Variants in HCK observed in about 807,000 individuals in gnomAD.
HCK encodes HCK proto-oncogene, Src family tyrosine kinase.
HCK carries 40 observed loss-of-function variants against 70.4 expected under a neutral mutation model. The ratio of observed to expected loss-of-function variants is 0.57; its 90% CI spans 0.44 to 0.74. The LOEUF (loss-of-function observed/expected upper bound fraction) is 0.74. HCK is among the 30% of genes least tolerant of loss of function. The probability of loss-of-function intolerance (pLI) is 0.00; values close to 1 mark genes in which losing one functional copy is unlikely to be tolerated. For missense variants in HCK, 568 were observed against 697.2 expected, an observed-to-expected ratio of 0.81 and a Z score of 2.09; for synonymous variants, 245 against 263.2, an observed-to-expected ratio of 0.93 and a Z score of 0.67.
At chr20:32,062,009 G>A (rs1224466850) in intron 1 of HCK, among the ~76,000 whole-genome samples, 10 of 146,206 alleles carry the variant, frequency 6.8e-5, no homozygotes, top group African/African-American at 1.0e-4. Flanking sequence ...GTGCGACCTC[G>A]GCTCCCTGCA....
intron 5 of HCK, among the ~76,000 whole-genome samples, chr20:32,078,496 C>T (rs1485748117): frequency 2.6e-5 from 4 of 152,062 alleles, no homozygotes; most frequent in African/African-American, 9.7e-5. Context: ...CAAATCCTGC[C>T]TCTACAACTT....
Position 32,091,560 on chromosome 20 carries a change from A to G in HCK, c.1093-2303A>G, listed in dbSNP as rs1013299647. On this transcript the variant is annotated intron_variant, in intron 10 of 12. Transcript: ENST00000375852. ...GTTAACTGTTCATCTAAGGACTCAT[A>G]AATTTCCCACACTCCCAGGGCCAAG... is the stretch of plus-strand genomic sequence containing the variant. Among the ~76,000 whole-genome samples the G allele has an allele frequency of 2.0e-5, 3 of 152,128 alleles. No individual in the cohort carries two copies. The East Asian group carries it at 5.8e-4, about 29-fold the overall frequency.
intron 5 of HCK, among the ~76,000 whole-genome samples, chr20:32,079,256 T>A (rs242603): frequency 6.6e-6 from 1 of 152,040 alleles, no homozygotes; most frequent in Non-Finnish European, 1.5e-5. Flanking sequence ...ACTCCATATA[T>A]GCGGAGGAGG....
chr20:32,097,058 T>C (rs1010334954), intron 11 of HCK, among the ~76,000 whole-genome samples: 7 of 152,122 alleles, frequency 4.6e-5, no homozygotes, highest in Middle Eastern at 3.4e-3. Context: ...AATGGGCAGA[T>C]TGCTTGAGCC....
intron 10 of HCK, among the ~76,000 whole-genome samples, chr20:32,093,489 T>TTGTGTGTGTG (rs2045890834): frequency 1.0e-5 from 1 of 96,576 alleles, no homozygotes; most frequent in Non-Finnish European, 2.2e-5. Context: ...ATCCTAGGGT[T>TTGTGTGTGTG]CGTGTGTGTG....
chr20:32,055,089 G>A (rs1038865425), intron 1 of HCK, among the ~76,000 whole-genome samples: 27 of 152,228 alleles, frequency 1.8e-4, no homozygotes, highest in Non-Finnish European at 2.2e-4. Context: ...TCCTGGATGT[G>A]TAGCTTTCGG....
chr20:32,052,797 A>AT (rs397799329), intron 1 of HCK, among the ~76,000 whole-genome samples: 30,707 of 112,022 alleles, frequency 0.27, 6,199 homozygotes, highest in African/African-American at 0.54. Context: ...GGGGGCGGGG[A>AT]TTTTTTTTTT....
chr20:32,074,758 T>A, intron 5 of HCK, 37 bp downstream of exon 5: 3 of 1,468,418 alleles, frequency 2.0e-6, no homozygotes, highest in Non-Finnish European at 2.9e-6. Context: ...GAAAGAGGCA[T>A]GAGCAAAGCC....
At chr20:32,072,908 C>T (rs529392364) in intron 2 of HCK, among the ~76,000 whole-genome samples, 9 of 152,160 alleles carry the variant, frequency 5.9e-5, no homozygotes, top group African/African-American at 1.9e-4. Flanking sequence ...CTAGACCAGC[C>T]GGGCCAACAT....
chr20:32,099,392 C>T (rs2046002691), intron 12 of HCK, among the ~76,000 whole-genome samples: 1 of 123,390 alleles, frequency 8.1e-6, no homozygotes, highest in East Asian at 2.3e-4. Context: ...GAGTCTCCCT[C>T]TGTCACCCAG....
chr20:32,083,221 T>C (rs182240878), intron 6 of HCK, among the ~76,000 whole-genome samples: 36 of 152,314 alleles, frequency 2.4e-4, no homozygotes, highest in Admixed American at 2.2e-3. Flanking sequence ...TGGGGCTACC[T>C]GGATCATCTG....
Position 32,084,041 on chromosome 20 carries a change from A to G in HCK, c.680A>G (p.Lys227Arg), listed in dbSNP as rs776038055. ...CTGCAGGAGCTGGTGGACCACTACA[A>G]GAGTGAGTCCCACCCCAGGGGTGAC... Residue 227 changes from lysine (K) to arginine (R), a missense_variant and splice_region_variant, in exon 7 of 13, where the codon AAG (lysine) becomes AGG (arginine). Around this residue, in one of 4 missense-constraint regions of HCK, gnomAD observed 318 missense variants for 336.0 expected, o/e 0.95. Transcript: ENST00000375852. 3.1e-6 allele frequency: 5 copies of G among 1,613,406 alleles called. No individual in the cohort carries two copies. The highest frequency in any genetic ancestry group is 4.2e-6 in the Non-Finnish European group (5 of 1,179,900).
rs60044994 is a variant in HCK, at chr20:32,066,331, T to TTTTTTTTTTGA, written c.63-5331_63-5330insTTTTTTTTTGA. 2.4e-3 allele frequency among the ~76,000 whole-genome samples: 195 copies of TTTTTTTTTTGA among 81,904 alleles called. 49 individuals are homozygous for TTTTTTTTTTGA. The highest frequency in any genetic ancestry group is 0.01 in the East Asian group (19 of 1,816). 53.7% of individuals were successfully genotyped at this position (81,904 alleles called of 152,430 possible). A position where few individuals can be genotyped will look rare whatever the true frequency, so the allele number is the denominator to read the frequency against. Reference sequence around the variant, plus strand: ...TTTTTTTTTTTTTTTTTTTTTTTTTTGACAGAGTCTTGCTCTGTTTCCCAG... The same window carrying TTTTTTTTTTGA: ...TTTTTTTTTTTTTTTTTTTTTTTTTTTTTTTTTTTGAGACAGAGTCTTGCTCTGTTTCCCAG... On this transcript the variant is annotated intron_variant, in intron 1 of 12. Coordinates refer to ENST00000375852, the MANE Select transcript of HCK (RefSeq NM_002110.5).
chr20:32,064,931 G>T (rs1319813946), intron 1 of HCK, among the ~76,000 whole-genome samples: 1 of 152,252 alleles, frequency 6.6e-6, no homozygotes, highest in Non-Finnish European at 1.5e-5. Flanking sequence ...TTTTGAGTGG[G>T]TGTGCAACCA....
At chr20:32,092,760 C>T (rs544908787) in intron 10 of HCK, among the ~76,000 whole-genome samples, 1 of 152,174 alleles carries the variant, frequency 6.6e-6, no homozygotes, top group South Asian at 2.1e-4. Context: ...TCCATGAACA[C>T]CCAAGCTCTT....
chr20:32,080,191 T>G (rs2045689082), intron 6 of HCK, among the ~76,000 whole-genome samples: 1 of 152,136 alleles, frequency 6.6e-6, no homozygotes, highest in Non-Finnish European at 1.5e-5. Context: ...TTTGTTTTGG[T>G]TCTTGTTTTG....
intron 10 of HCK, among the ~76,000 whole-genome samples, chr20:32,093,442 C>A (rs1293374372): frequency 6.6e-6 from 1 of 151,452 alleles, no homozygotes; most frequent in South Asian, 2.1e-4. Context: ...CTGGGTTGTC[C>A]CCAGAAAGAG....
chr20:32,088,394 A>G (rs959598495), intron 9 of HCK, among the ~76,000 whole-genome samples, 174 bp from the exon 10 acceptor site: 1 of 152,224 alleles, frequency 6.6e-6, no homozygotes, highest in Non-Finnish European at 1.5e-5. Context: ...ACTTCACTAA[A>G]ACTCAATTCT....
chr20:32,077,191 G>A (rs2045639326), intron 5 of HCK, among the ~76,000 whole-genome samples: 1 of 152,152 alleles, frequency 6.6e-6, no homozygotes, highest in Admixed American at 6.5e-5. Context: ...TTGCCTCTGG[G>A]GAGCACAACT....
Sources: allele counts gnomAD v4.1 joint callset (sites outside exome capture counted in the v4.1 genomes callset), GRCh38; gene constraint gnomAD v4.1.1; regional missense constraint gnomAD v4.1.1; transcripts MANE v1.5; gene names NCBI Gene and HGNC (gene_info 2026-07-23, HGNC 2026-07-21).